The following ACYP2 variants were observed in gnomAD, a reference collection of about 807,000 sequenced individuals.
The protein encoded by ACYP2 is acylphosphatase-2.
In ACYP2, 12 loss-of-function variants were observed where a neutral mutation model predicts 11.2. That is an observed-to-expected ratio of 1.08 (90% CI 0.69 to 1.74). ACYP2 has a LOEUF of 1.74. Ranked by LOEUF, ACYP2 falls within the 40% of genes most tolerant of loss-of-function variation. The pLI is 0.00. For synonymous variants in ACYP2, 43 were observed against 32.2 expected (o/e 1.33, Z -1.13); for missense variants, 134 against 101.9 (o/e 1.31, Z -1.35).
chr2:53,993,508 G>A (rs1354792322), intron 2 of ACYP2, among the ~76,000 whole-genome samples: 1 of 151,562 alleles, frequency 6.6e-6, no homozygotes, highest in East Asian at 2.0e-4. Context: ...GACCAACCTA[G>A]CCAACGTGGC....
At chr2:54,227,379 C>T (rs1470949224) in intron 6 of ACYP2, among the ~76,000 whole-genome samples, 3 of 152,042 alleles carry the variant, frequency 2.0e-5, no homozygotes, top group Admixed American at 6.6e-5. Flanking sequence ...AAGTGGCTCT[C>T]GCCTGTATCC....
At position 54,236,617 on chromosome 2, in the gene ACYP2, T is replaced by A. The variant is rs528081772; in HGVS notation, c.405-68071T>A. Among the ~76,000 whole-genome samples, 540 of 152,344 alleles carry A rather than the reference T, an allele frequency of 3.5e-3. 6 individuals carry two copies. The highest frequency in any genetic ancestry group is 0.012 in the African/African-American group (506 of 41,596). ...AATTTGCTTTCACATATGATTTTGA[T>A]AATGATCTATGCATATTTGAAGCCA... On this transcript the variant is annotated intron_variant, in intron 6 of 6. Transcript: ENST00000607452.
At chr2:54,062,004 C>G (rs965943576) in intron 4 of ACYP2, among the ~76,000 whole-genome samples, 1 of 152,174 alleles carries the variant, frequency 6.6e-6, no homozygotes, top group Non-Finnish European at 1.5e-5. Flanking sequence ...ATAGTTAGAT[C>G]ATTATATTGG....
At chr2:54,277,095 T>A (rs183491845) in intron 6 of ACYP2, among the ~76,000 whole-genome samples, 3 of 152,356 alleles carry the variant, frequency 2.0e-5, no homozygotes, top group Admixed American at 6.5e-5. Flanking sequence ...TGACCATTCT[T>A]GAGGCAAAAT....
intron 6 of ACYP2, among the ~76,000 whole-genome samples, chr2:54,197,950 TTG>T (rs1684574494): frequency 5.4e-5 from 1 of 18,610 alleles, no homozygotes; most frequent in Admixed American, 5.6e-4. Context: ...TTATATTGTA[TTG>T]TATTGTATTG....
intron 6 of ACYP2, among the ~76,000 whole-genome samples, chr2:54,212,138 AT>A (rs879280526): frequency 6.6e-6 from 1 of 152,078 alleles, no homozygotes; most frequent in Non-Finnish European, 1.5e-5. Flanking sequence ...CAAATTTTGG[AT>A]TTTTTTTAAA....
At chr2:54,182,190 G>A (rs1228540037) in intron 6 of ACYP2, among the ~76,000 whole-genome samples, 4 of 151,232 alleles carry the variant, frequency 2.6e-5, no homozygotes, top group East Asian at 1.9e-4. Context: ...CTCCCGAGTA[G>A]CTGGGATTAC....
chr2:54,187,321 G>T lies in ACYP2; in HGVS notation c.404+48573G>T, dbSNP rs75098425. On this transcript the variant is annotated intron_variant, in intron 6 of 6. Transcript: ENST00000607452. ...GATGTCATTGGCGTGATCCATGGTG[G>T]CAGGCCTTGGGGAACCCAAGAACCC... Among the ~76,000 whole-genome samples the T allele has an allele frequency of 7.6e-3, 1,161 of 152,284 alleles. 10 individuals are homozygous for T. The highest frequency in any genetic ancestry group is 0.027 in the African/African-American group (1,120 of 41,550).
chr2:54,304,231 T>A (rs1689833059), intron 6 of ACYP2, among the ~76,000 whole-genome samples: 1 of 151,546 alleles, frequency 6.6e-6, no homozygotes, highest in South Asian at 2.1e-4. Context: ...TGTGTGTGTG[T>A]GTGTGTGTGT....
intron 4 of ACYP2, among the ~76,000 whole-genome samples, chr2:54,106,774 G>A (rs1268339501): frequency 1.3e-5 from 2 of 151,976 alleles, no homozygotes; most frequent in East Asian, 1.9e-4. Flanking sequence ...TAGTAGAGAC[G>A]GGGTTTCACT....
intron 4 of ACYP2, among the ~76,000 whole-genome samples, chr2:54,070,166 A>G (rs551568871): frequency 3.6e-4 from 55 of 151,022 alleles, no homozygotes; most frequent in African/African-American, 1.3e-3. Flanking sequence ...GCTATTCAGG[A>G]GGCTGAGGCA....
At chr2:53,988,514 C>T (rs1672132351) in intron 2 of ACYP2, among the ~76,000 whole-genome samples, 1 of 151,674 alleles carries the variant, frequency 6.6e-6, no homozygotes, top group African/African-American at 2.4e-5. Context: ...GATCCTCTTG[C>T]CTCAGCCTCC....
At chr2:54,111,410 C>G (rs1434567668) in intron 4 of ACYP2, among the ~76,000 whole-genome samples, 1 of 152,142 alleles carries the variant, frequency 6.6e-6, no homozygotes, top group Non-Finnish European at 1.5e-5. Flanking sequence ...ATACTCAGTA[C>G]CAAGCTGGGA....
chr2:54,255,397 C>T (rs1469593409), intron 6 of ACYP2: 2 of 1,614,062 alleles, frequency 1.2e-6, no homozygotes, highest in Non-Finnish European at 8.5e-7. Flanking sequence ...AGCAGTGACC[C>T]AGAAGCCCGG....
intron 2 of ACYP2, among the ~76,000 whole-genome samples, chr2:54,036,320 G>C (rs1028359111): frequency 2.0e-5 from 3 of 152,114 alleles, no homozygotes; most frequent in Admixed American, 6.5e-5. Flanking sequence ...TGTGGAACTC[G>C]ACCTCAGGTG....
intron 2 of ACYP2, chr2:53,975,286 C>T (rs970497543): frequency 1.0e-5 from 4 of 397,270 alleles, no homozygotes; most frequent in African/African-American, 6.2e-5. Context: ...TAGAAACAAA[C>T]ATCTGAACTG....
At chr2:54,027,953 C>T (rs1188722366) in intron 2 of ACYP2, among the ~76,000 whole-genome samples, 1 of 150,784 alleles carries the variant, frequency 6.6e-6, no homozygotes, top group Non-Finnish European at 1.5e-5. Context: ...AGTGATTCTC[C>T]TGCCTCAGCC....
At chr2:54,249,194 T>G (rs930932084) in intron 6 of ACYP2, among the ~76,000 whole-genome samples, 1 of 151,862 alleles carries the variant, frequency 6.6e-6, no homozygotes, top group Admixed American at 6.6e-5. Context: ...AAAAGAGAGA[T>G]AATATTCAGG....
At chr2:54,045,853 A>G (rs1344168712) in intron 2 of ACYP2, among the ~76,000 whole-genome samples, 2 of 150,514 alleles carry the variant, frequency 1.3e-5, no homozygotes, top group Non-Finnish European at 3.0e-5. Context: ...GCTGCTCAGT[A>G]TGATGTGAAA....
Sources: gnomAD v4.1 joint callset for allele counts (sites outside exome capture counted in the v4.1 genomes callset) on GRCh38, gnomAD v4.1.1 for gene constraint, MANE v1.5 for transcripts, NCBI Gene and HGNC (gene_info 2026-07-23, HGNC 2026-07-21) for gene names.